Variants in DAB1 observed in about 807,000 individuals in gnomAD.
The protein encoded by DAB1 is DAB adaptor protein 1, also known as disabled homolog 1.
Under a neutral mutation model 64.6 loss-of-function variants are expected in DAB1, and 15 were observed. The ratio of observed to expected loss-of-function variants is 0.23; its 90% CI spans 0.16 to 0.36. DAB1 has a LOEUF of 0.36. DAB1 is among the 10% of genes least tolerant of loss of function. The pLI is 1.00. For synonymous variants in DAB1, 235 were observed against 251.9 expected, an observed-to-expected ratio of 0.93 and a Z score of 0.64; for missense variants, 596 against 706.7, an observed-to-expected ratio of 0.84 and a Z score of 1.78.
At chr1:57,447,481 C>T (rs1164488506) in intron 7 of DAB1, among the ~76,000 whole-genome samples, 2 of 152,190 alleles carry the variant, frequency 1.3e-5, no homozygotes, top group East Asian at 3.8e-4. Flanking sequence ...TATTTCTGCT[C>T]ACATTTGCAC....
At chr1:57,904,428 T>C (rs1644520535) in intron 5 of DAB1, among the ~76,000 whole-genome samples, 1 of 152,180 alleles carries the variant, frequency 6.6e-6, no homozygotes, top group African/African-American at 2.4e-5. Flanking sequence ...TCTGTGACTG[T>C]ACACAGTAAG....
Position 58,371,399 on chromosome 1 carries a change from G to A in DAB1, n.258-27996C>T, listed in dbSNP as rs541838424. Among the ~76,000 whole-genome samples the A allele has an allele frequency of 7.0e-4, 106 of 152,306 alleles. 1 individual carries two copies. In the South Asian group the frequency reaches 0.017, roughly 24 times the overall value. ...GCCTGGGTGCTCTTAACAGCGTACA[G>A]CAATATGCATTCACAAAGAGATGGT... is the stretch of plus-strand genomic sequence containing the variant. On this transcript the variant is annotated intron_variant and non_coding_transcript_variant, in intron 3 of 20. Transcript: ENST00000485760.
intron 7 of DAB1, among the ~76,000 whole-genome samples, chr1:57,469,026 G>A (rs1164651594): frequency 6.6e-6 from 1 of 152,300 alleles, no homozygotes; most frequent in East Asian, 1.9e-4. Flanking sequence ...AGATGAAATT[G>A]CTCAAAGTTG....
chr1:58,052,229 T>A (rs1041192307), intron 5 of DAB1, among the ~76,000 whole-genome samples: 3 of 152,198 alleles, frequency 2.0e-5, no homozygotes, highest in African/African-American at 4.8e-5. Flanking sequence ...GTATAAGAGG[T>A]AAGGAAGGGA....
chr1:57,736,661 T>G (rs938555569), intron 6 of DAB1, among the ~76,000 whole-genome samples: 3 of 152,172 alleles, frequency 2.0e-5, no homozygotes, highest in African/African-American at 7.2e-5. Context: ...GAAACAGTGA[T>G]TAGTCCAGGT....
At chr1:57,431,747 T>C (rs1260215862) in intron 7 of DAB1, among the ~76,000 whole-genome samples, 2 of 152,194 alleles carry the variant, frequency 1.3e-5, no homozygotes, top group Non-Finnish European at 2.9e-5. Context: ...TACGTTTCAA[T>C]ACAAACCTCC....
chr1:57,923,221 C>T (rs576651914), intron 5 of DAB1, among the ~76,000 whole-genome samples: 15 of 151,980 alleles, frequency 9.9e-5, no homozygotes, highest in East Asian at 3.9e-4. Context: ...AATTTCCTGC[C>T]GATATCAAAT....
At chr1:57,009,217 G>A (rs568005593) in intron 14 of DAB1, among the ~76,000 whole-genome samples, 39 of 152,254 alleles carry the variant, frequency 2.6e-4, no homozygotes, top group Admixed American at 2.1e-3. Context: ...CAACTTAGGC[G>A]GGGGGTAAAA....
At chr1:57,556,710 T>A (rs530104756) in intron 7 of DAB1, among the ~76,000 whole-genome samples, 3 of 152,228 alleles carry the variant, frequency 2.0e-5, no homozygotes, top group Non-Finnish European at 4.4e-5. Context: ...ATTGTGGAGA[T>A]TTTCTCCCAC....
At chr1:58,531,759 G>C (rs1646438054) in intron 1 of DAB1, among the ~76,000 whole-genome samples, 1 of 151,966 alleles carries the variant, frequency 6.6e-6, no homozygotes, top group Admixed American at 6.6e-5. Context: ...GCCCAAGCTG[G>C]AGTGCAGTGG....
In DAB1 at chr1:57,391,508, T is replaced by C. The variant is rs572154022; in HGVS notation, c.-137+32422A>G. Among the ~76,000 whole-genome samples, 17 of 152,316 alleles carry C rather than the reference T, an allele frequency of 1.1e-4. No individual in the cohort carries two copies. In the East Asian group the frequency reaches 1.5e-3, roughly 14 times the overall value. On this transcript the variant is annotated intron_variant, in intron 1 of 14. Transcript: ENST00000371236. Reference sequence around the variant, plus strand: ...TATACTAAAAACATCAACTAATTAATGCTTCAATAAGCTTGAATCTCCAAG... The same window carrying C: ...TATACTAAAAACATCAACTAATTAACGCTTCAATAAGCTTGAATCTCCAAG...
intron 5 of DAB1, among the ~76,000 whole-genome samples, chr1:58,043,379 T>C (rs1400481574): frequency 6.6e-6 from 1 of 152,044 alleles, no homozygotes; most frequent in Admixed American, 6.6e-5. Flanking sequence ...TCACTTCTAG[T>C]AGAATTTCAA....
chr1:57,889,579 C>G (rs1473553176), intron 5 of DAB1, among the ~76,000 whole-genome samples: 6 of 152,188 alleles, frequency 3.9e-5, no homozygotes, highest in African/African-American at 7.2e-5. Flanking sequence ...AGCCTGACTA[C>G]AGCAAAGTCT....
chr1:58,193,497 CT>C (rs1360598843), intron 4 of DAB1, among the ~76,000 whole-genome samples: 1 of 152,234 alleles, frequency 6.6e-6, no homozygotes, highest in Non-Finnish European at 1.5e-5. Context: ...TACACTTTAT[CT>C]TTTTTTATCC....
chr1:57,597,601 T>A (rs977401330), intron 7 of DAB1, among the ~76,000 whole-genome samples: 1 of 152,260 alleles, frequency 6.6e-6, no homozygotes, highest in Non-Finnish European at 1.5e-5. Flanking sequence ...GTACATTTTA[T>A]GAGCTAAGTC....
chr1:57,808,276 A>G (rs972062743), intron 6 of DAB1, among the ~76,000 whole-genome samples: 3 of 151,644 alleles, frequency 2.0e-5, no homozygotes, highest in East Asian at 3.9e-4. Flanking sequence ...AAACTCCTCT[A>G]GTTTTCTCTG....
At chr1:57,122,310 T>C (rs760488791) in intron 4 of DAB1, among the ~76,000 whole-genome samples, 7 of 152,182 alleles carry the variant, frequency 4.6e-5, no homozygotes, top group Non-Finnish European at 1.0e-4. Context: ...AAATGTTTGA[T>C]AGAATAACTT....
At chr1:57,526,328 G>A (rs143309978) in intron 7 of DAB1, among the ~76,000 whole-genome samples, 28 of 152,276 alleles carry the variant, frequency 1.8e-4, no homozygotes, top group African/African-American at 3.4e-4. Flanking sequence ...TGGAAAAGCC[G>A]TCTAGGAAAT....
chr1:58,197,803 T>G (rs1657771656), intron 4 of DAB1, among the ~76,000 whole-genome samples: 1 of 152,018 alleles, frequency 6.6e-6, no homozygotes, highest in Non-Finnish European at 1.5e-5. Flanking sequence ...ACCTATTCCT[T>G]AATTTCTACT....
Sources: allele counts gnomAD v4.1 joint callset (sites outside exome capture counted in the v4.1 genomes callset), GRCh38; gene constraint gnomAD v4.1.1; transcripts MANE v1.5; gene names NCBI Gene and HGNC (gene_info 2026-07-23, HGNC 2026-07-21).